The following CNTNAP2 variants were observed in gnomAD, a reference collection of about 807,000 sequenced individuals.
CNTNAP2 encodes contactin-associated protein-like 2.
Under a neutral mutation model 155.2 loss-of-function variants are expected in CNTNAP2, and 98 were observed. That is an observed-to-expected ratio of 0.63 (90% confidence interval 0.54 to 0.75). The LOEUF is 0.75. CNTNAP2 is among the 30% of genes least tolerant of loss of function. The pLI is 0.00. For synonymous variants in CNTNAP2, 651 were observed against 631.2 expected, an observed-to-expected ratio of 1.03 and a Z score of -0.47; for missense variants, 1,727 against 1,688.1, an observed-to-expected ratio of 1.02 and a Z score of -0.40.
intron 1 of CNTNAP2, among the ~76,000 whole-genome samples, chr7:146,714,612 G>C (rs1801155407): frequency 6.6e-6 from 1 of 152,136 alleles, no homozygotes; most frequent in Non-Finnish European, 1.5e-5. Flanking sequence ...ATAGGAAATA[G>C]AAATGTCCAT....
chr7:146,428,888 T>C (rs1197261773), intron 1 of CNTNAP2, among the ~76,000 whole-genome samples: 1 of 152,122 alleles, frequency 6.6e-6, no homozygotes, highest in Non-Finnish European at 1.5e-5. Context: ...TTTGGGGTCT[T>C]ATATTTTAGT....
intron 1 of CNTNAP2, among the ~76,000 whole-genome samples, chr7:146,716,659 C>T (rs1211230825): frequency 6.6e-6 from 1 of 152,166 alleles, no homozygotes; most frequent in African/African-American, 2.4e-5. Flanking sequence ...GAACAAGTAA[C>T]TGAATGTCTC....
intron 15 of CNTNAP2, among the ~76,000 whole-genome samples, chr7:148,011,170 T>C (rs961409926): frequency 3.3e-5 from 5 of 152,120 alleles, no homozygotes; most frequent in Non-Finnish European, 7.4e-5. Flanking sequence ...AATCATATAG[T>C]GTGAATTCTT....
At chr7:146,821,928 T>C (rs1362122675) in intron 2 of CNTNAP2, among the ~76,000 whole-genome samples, 8 of 151,438 alleles carry the variant, frequency 5.3e-5, no homozygotes, top group African/African-American at 1.5e-4. Context: ...TCCTCAGGGA[T>C]CTAGAACTAG....
At chr7:147,272,587 C>A (rs1024846002) in intron 8 of CNTNAP2, among the ~76,000 whole-genome samples, 3 of 152,058 alleles carry the variant, frequency 2.0e-5, no homozygotes, top group Non-Finnish European at 4.4e-5. Context: ...CAAGCTCCGC[C>A]TCCCGGGTTC....
chr7:147,626,886 T>C (rs1363917416), intron 12 of CNTNAP2, among the ~76,000 whole-genome samples: 1 of 152,084 alleles, frequency 6.6e-6, no homozygotes, highest in Non-Finnish European at 1.5e-5. Flanking sequence ...ACTAAACATA[T>C]CTACAACCAT....
chr7:146,248,381 G>A (rs1799699041), intron 1 of CNTNAP2, among the ~76,000 whole-genome samples: 1 of 152,144 alleles, frequency 6.6e-6, no homozygotes, highest in South Asian at 2.1e-4. Flanking sequence ...GAAGGACCAA[G>A]GCAGGCATCC....
intron 10 of CNTNAP2, among the ~76,000 whole-genome samples, chr7:147,424,682 C>A (rs1049197544): frequency 6.6e-6 from 1 of 152,168 alleles, no homozygotes; most frequent in South Asian, 2.1e-4. Context: ...TTAGACCTTA[C>A]ACACAACTGC....
intron 13 of CNTNAP2, among the ~76,000 whole-genome samples, chr7:147,873,877 C>T (rs1328237382): frequency 6.6e-6 from 1 of 152,124 alleles, no homozygotes; most frequent in Non-Finnish European, 1.5e-5. Flanking sequence ...ACACCCATTC[C>T]AAATGGGAGA....
At chr7:147,409,507 G>A (rs891775255) in intron 10 of CNTNAP2, among the ~76,000 whole-genome samples, 2 of 152,026 alleles carry the variant, frequency 1.3e-5, no homozygotes, top group Non-Finnish European at 2.9e-5. Flanking sequence ...GTTTCATGAC[G>A]AAGACACAAA....
intron 1 of CNTNAP2, among the ~76,000 whole-genome samples, chr7:146,743,867 TAGAG>T (rs1224985324): frequency 6.6e-6 from 1 of 152,126 alleles, no homozygotes; most frequent in African/African-American, 2.4e-5. Context: ...TTGCTTAAAT[TAGAG>T]AGAAAGTCCA....
intron 1 of CNTNAP2, among the ~76,000 whole-genome samples, chr7:146,123,302 A>C (rs1797589314): frequency 6.6e-6 from 1 of 152,334 alleles, no homozygotes; most frequent in Admixed American, 6.5e-5. Flanking sequence ...TTTAGGAAAG[A>C]GGTGAAATTA....
intron 22 of CNTNAP2, among the ~76,000 whole-genome samples, chr7:148,407,657 T>A (rs1436329214): frequency 7.0e-6 from 1 of 142,050 alleles, no homozygotes; most frequent in East Asian, 2.0e-4. Context: ...TGAGCCATGA[T>A]TGTGCCACTG....
At chr7:146,934,449 G>A (rs1490211379) in intron 3 of CNTNAP2, among the ~76,000 whole-genome samples, 158 of 127,260 alleles carry the variant, frequency 1.2e-3, no homozygotes, top group Non-Finnish European at 1.8e-3. Context: ...TGTGGGGTGG[G>A]GGGAGGGGGA....
intron 1 of CNTNAP2, among the ~76,000 whole-genome samples, chr7:146,490,103 G>T (rs1429754914): frequency 6.6e-6 from 1 of 152,122 alleles, no homozygotes; most frequent in Non-Finnish European, 1.5e-5. Context: ...TGGTTTGGAG[G>T]GGGGATTTCA....
chr7:146,372,082 A>G (rs1176412581), intron 1 of CNTNAP2, among the ~76,000 whole-genome samples: 2 of 152,216 alleles, frequency 1.3e-5, no homozygotes, highest in Non-Finnish European at 2.9e-5. Context: ...AAATAGGACA[A>G]TGAAGAGGAT....
chr7:147,197,927 GA>G (rs1179307089), intron 8 of CNTNAP2, among the ~76,000 whole-genome samples: 1 of 152,078 alleles, frequency 6.6e-6, no homozygotes, highest in African/African-American at 2.4e-5. Context: ...GACTTTTGCA[GA>G]AAGTTTTTAC....
intron 1 of CNTNAP2, among the ~76,000 whole-genome samples, chr7:146,382,147 A>G (rs1179121491): frequency 1.3e-5 from 2 of 152,250 alleles, no homozygotes; most frequent in South Asian, 2.1e-4. Flanking sequence ...AAAGTAATGC[A>G]TGAAATAAAG....
In CNTNAP2 at chr7:147,521,331, A is replaced by G. The variant is rs538892588; in HGVS notation, c.1777+35290A>G. ...CAAAGAAGCATGACCCTTTCTTCTC[A>G]TACAAGGTTTGGATCAATTTAGAAA... On this transcript the variant is annotated intron_variant, in intron 11 of 23. Transcript: ENST00000361727. Among the ~76,000 whole-genome samples, 48 of 152,326 alleles carry G rather than the reference A, an allele frequency of 3.2e-4. No individual in the cohort carries two copies. The South Asian group carries it at 6.2e-3, about 20-fold the overall frequency.
Sources: allele counts gnomAD v4.1 joint callset (sites outside exome capture counted in the v4.1 genomes callset), GRCh38; gene constraint gnomAD v4.1.1; transcripts MANE v1.5; gene names NCBI Gene and HGNC (gene_info 2026-07-23, HGNC 2026-07-21).